GRIK2: variants seen among roughly 807,000 people sequenced by gnomAD.
The protein encoded by GRIK2 is glutamate ionotropic receptor kainate type subunit 2.
A neutral mutation model predicts 100.3 loss-of-function variants in GRIK2; 32 were observed. The ratio of observed to expected loss-of-function variants is 0.32; its 90% CI spans 0.24 to 0.43. GRIK2 has a LOEUF of 0.43. GRIK2 is among the 20% of genes least tolerant of loss of function. GRIK2 has a pLI of 1.00. For synonymous variants in GRIK2, 417 were observed against 389.4 expected (o/e 1.07, Z -0.83); for missense variants, 843 against 1,114.9 (o/e 0.76, Z 3.47).
At chr6:101,534,717 C>T (rs565623709) in intron 2 of GRIK2, among the ~76,000 whole-genome samples, 15 of 151,924 alleles carry the variant, frequency 9.9e-5, no homozygotes, top group Admixed American at 5.3e-4. Context: ...CTTTGAGCTA[C>T]GAAATGAATC....
intron 14 of GRIK2, among the ~76,000 whole-genome samples, chr6:101,969,456 G>C (rs534509018): frequency 4.6e-5 from 7 of 151,634 alleles, no homozygotes; most frequent in Admixed American, 3.9e-4. Flanking sequence ...ATTTTCACTT[G>C]TTATTTTTTA....
In GRIK2 at chr6:101,581,287, C is replaced by CAT. The variant is rs1554223118; in HGVS notation, c.116-40662_116-40661insAT. 8.4e-3 allele frequency among the ~76,000 whole-genome samples: 1,258 copies of CAT among 149,770 alleles called. 6 individuals are homozygous for CAT. The highest frequency in any genetic ancestry group is 0.014 in the Non-Finnish European group (950 of 67,450). On this transcript the variant is annotated intron_variant, in intron 2 of 16. Transcript: ENST00000369134. ...CTACACGTGTATACATGTATACACACGTGTGTGTGTGTGTGTATATACATA... is the reference window on the plus strand; with the variant it reads ...CTACACGTGTATACATGTATACACACATGTGTGTGTGTGTGTGTATATACATA...
chr6:101,736,629 A>G (rs557312464), intron 7 of GRIK2, among the ~76,000 whole-genome samples: 32 of 152,144 alleles, frequency 2.1e-4, no homozygotes, highest in Non-Finnish European at 3.4e-4. Flanking sequence ...TAGACTACAC[A>G]CAGCATGGGG....
intron 1 of GRIK2, among the ~76,000 whole-genome samples, chr6:101,396,756 C>T (rs1041468475): frequency 2.0e-5 from 3 of 152,090 alleles, no homozygotes; most frequent in Admixed American, 6.5e-5. Context: ...TGTCCGTGGT[C>T]CTGAAGAAAG....
chr6:101,870,438 T>C (rs1201968212), intron 11 of GRIK2, among the ~76,000 whole-genome samples: 1 of 151,864 alleles, frequency 6.6e-6, no homozygotes. Context: ...TTCCCAAGCA[T>C]TATATTTTAT....
chr6:102,017,906 A>G (rs1769204997), intron 14 of GRIK2, among the ~76,000 whole-genome samples: 1 of 152,072 alleles, frequency 6.6e-6, no homozygotes, highest in Non-Finnish European at 1.5e-5. Context: ...CTCTGCTTAC[A>G]TTGTCAATCT....
chr6:101,982,401 G>A (rs1018592716), intron 14 of GRIK2, among the ~76,000 whole-genome samples: 5 of 151,802 alleles, frequency 3.3e-5, no homozygotes, highest in African/African-American at 1.2e-4. Context: ...ACTCTATCAT[G>A]CAGATATGGT....
intron 4 of GRIK2, among the ~76,000 whole-genome samples, chr6:101,652,087 C>G (rs1781822958): frequency 6.6e-6 from 1 of 152,084 alleles, no homozygotes; most frequent in African/African-American, 2.4e-5. Flanking sequence ...GCAATCTTGC[C>G]AAGAAAAGTT....
intron 12 of GRIK2, among the ~76,000 whole-genome samples, chr6:101,894,696 A>G (rs960837357): frequency 6.6e-6 from 1 of 151,716 alleles, no homozygotes; most frequent in Non-Finnish European, 1.5e-5. Context: ...TGCTTCAAAT[A>G]TTTATTTTAT....
At chr6:101,717,688 C>T (rs962041519) in intron 7 of GRIK2, among the ~76,000 whole-genome samples, 4 of 151,672 alleles carry the variant, frequency 2.6e-5, no homozygotes, top group African/African-American at 7.3e-5. Flanking sequence ...AATAGTAATT[C>T]GGTACTGAAT....
chr6:102,045,037 T>C (rs938148079), intron 15 of GRIK2, among the ~76,000 whole-genome samples: 3 of 152,062 alleles, frequency 2.0e-5, no homozygotes, highest in Non-Finnish European at 4.4e-5. Flanking sequence ...AGTGTCCTAA[T>C]GGCAAGGACC....
At chr6:101,436,670 A>T (rs1294201619) in intron 2 of GRIK2, among the ~76,000 whole-genome samples, 1 of 151,920 alleles carries the variant, frequency 6.6e-6, no homozygotes, top group African/African-American at 2.4e-5. Context: ...AGTTCATTTT[A>T]TGTATAAATC....
intron 4 of GRIK2, among the ~76,000 whole-genome samples, chr6:101,640,631 G>T (rs1460744808): frequency 6.6e-6 from 1 of 152,122 alleles, no homozygotes; most frequent in South Asian, 2.1e-4. Context: ...ACCCAGTCAA[G>T]TTGTCGTTGA....
chr6:101,876,546 G>A (rs1785862688), intron 11 of GRIK2, among the ~76,000 whole-genome samples: 1 of 150,974 alleles, frequency 6.6e-6, no homozygotes. Context: ...GCACCATTCA[G>A]GGCCCACTTA....
At chr6:102,057,301 T>C (rs2114510556) in intron 16 of GRIK2, among the ~76,000 whole-genome samples, 1 of 152,144 alleles carries the variant, frequency 6.6e-6, no homozygotes, top group African/African-American at 2.4e-5. Context: ...TCTATTGTGC[T>C]TACCTCTATG....
chr6:101,690,284 ACAAAT>A (rs1562313031), intron 7 of GRIK2, among the ~76,000 whole-genome samples: 1 of 152,158 alleles, frequency 6.6e-6, no homozygotes, highest in African/African-American at 2.4e-5. Context: ...AATGTATTAC[ACAAAT>A]CAATAATAAT....
intron 14 of GRIK2, among the ~76,000 whole-genome samples, chr6:102,031,776 C>A (rs1582755719): frequency 6.6e-6 from 1 of 151,430 alleles, no homozygotes; most frequent in African/African-American, 2.4e-5. Flanking sequence ...CAGCTGCATC[C>A]ATGTTGCTGT....
intron 14 of GRIK2, among the ~76,000 whole-genome samples, chr6:101,984,219 T>G (rs970602961): frequency 4.6e-5 from 7 of 151,732 alleles, no homozygotes; most frequent in African/African-American, 1.7e-4. Context: ...GACCAGCACT[T>G]TGAACCTAGA....
At chr6:101,963,762 T>A (rs928963549) in intron 14 of GRIK2, among the ~76,000 whole-genome samples, 1 of 152,088 alleles carries the variant, frequency 6.6e-6, no homozygotes, top group African/African-American at 2.4e-5. Flanking sequence ...AACCCAACCA[T>A]ACATCATTAT....
Sources: allele counts gnomAD v4.1 joint callset (sites outside exome capture counted in the v4.1 genomes callset), GRCh38; gene constraint gnomAD v4.1.1; transcripts MANE v1.5; gene names NCBI Gene and HGNC (gene_info 2026-07-23, HGNC 2026-07-21).